PLEKHA2: variants seen among roughly 807,000 people sequenced by gnomAD.
The protein encoded by PLEKHA2 is pleckstrin homology domain containing A2.
Under a neutral mutation model 53.2 loss-of-function variants are expected in PLEKHA2, and 28 were observed. That is an observed-to-expected ratio of 0.53 (90% CI 0.39 to 0.72). The LOEUF (loss-of-function observed/expected upper bound fraction) is 0.72. PLEKHA2 is among the 30% of genes least tolerant of loss of function. PLEKHA2 has a pLI of 0.00. For synonymous variants in PLEKHA2, 193 were observed against 196.4 expected (o/e 0.98, Z 0.14); for missense variants, 426 against 537.9 (o/e 0.79, Z 2.06).
Position 38,917,894 on chromosome 8 carries a change from C to T in PLEKHA2, c.-23-13C>T, listed in dbSNP as rs761877126. The T allele has an allele frequency of 8.7e-6, 14 of 1,607,796 alleles. No individual in the cohort carries two copies. Among genetic ancestry groups the T allele is most frequent in the African/African-American group, 8.0e-5 (6 of 74,782 alleles). On this transcript the variant is annotated splice_polypyrimidine_tract_variant and intron_variant, in intron 1 of 11. Coordinates refer to ENST00000617275, the MANE Select transcript of PLEKHA2 (RefSeq NM_021623.2). ...CATCTTCCTTCTCATCAGCACCTCC[C>T]TCCTGCGCGCAGGGTGATGTGAGCA... is the stretch of plus-strand genomic sequence containing the variant.
At chr8:38,957,121 G>A (rs1834955989) in intron 9 of PLEKHA2, among the ~76,000 whole-genome samples, 1 of 152,116 alleles carries the variant, frequency 6.6e-6, no homozygotes, top group Admixed American at 6.6e-5. Context: ...GGATGGCAAA[G>A]CCTCCTGAGA....
At chr8:38,966,670 G>T (rs978929790) in intron 10 of PLEKHA2, among the ~76,000 whole-genome samples, 2 of 152,134 alleles carry the variant, frequency 1.3e-5, no homozygotes, top group African/African-American at 4.8e-5. Context: ...GGGTTTATAG[G>T]TTGTTTCTGG....
chr8:38,929,685 G>A (rs1483364135), intron 2 of PLEKHA2, among the ~76,000 whole-genome samples: 1 of 152,214 alleles, frequency 6.6e-6, no homozygotes, highest in Non-Finnish European at 1.5e-5. Context: ...CTAAATATAT[G>A]TTAGTTTCCT....
chr8:38,910,456 T>A (rs1446804484), intron 1 of PLEKHA2, among the ~76,000 whole-genome samples: 1 of 152,128 alleles, frequency 6.6e-6, no homozygotes, highest in Admixed American at 6.5e-5. Context: ...GGAAAGTAGA[T>A]GAAATAGGAA....
intron 5 of PLEKHA2, among the ~76,000 whole-genome samples, chr8:38,947,191 T>C (rs1223525457): frequency 2.0e-5 from 3 of 152,180 alleles, no homozygotes; most frequent in African/African-American, 4.8e-5. Flanking sequence ...AGAGGATGGA[T>C]GGCTGGGTGC....
intron 2 of PLEKHA2, among the ~76,000 whole-genome samples, chr8:38,930,092 C>G (rs1934397977): frequency 6.6e-6 from 1 of 152,186 alleles, no homozygotes; most frequent in Admixed American, 6.5e-5. Flanking sequence ...TATATTTTCC[C>G]CCCTGGGGAG....
At chr8:38,964,090 G>T (rs1339538370) in intron 10 of PLEKHA2, among the ~76,000 whole-genome samples, 1 of 152,190 alleles carries the variant, frequency 6.6e-6, no homozygotes, top group East Asian at 1.9e-4. Flanking sequence ...CCAGATGTAA[G>T]AAGAGATTTA....
intron 9 of PLEKHA2, 113 bp from the exon 10 acceptor site, chr8:38,957,210 A>AC (rs1834957662): frequency 5.4e-6 from 4 of 745,278 alleles, no homozygotes; most frequent in African/African-American, 1.7e-5. Flanking sequence ...GCTTGGAACC[A>AC]CCCCCCACCC....
chr8:38,916,134 A>G (rs1834055933), intron 1 of PLEKHA2, among the ~76,000 whole-genome samples: 1 of 151,716 alleles, frequency 6.6e-6, no homozygotes, highest in South Asian at 2.1e-4. Flanking sequence ...CGCCACCACG[A>G]CTGGCTAATT....
chr8:38,951,712 T>C (rs1290691426), intron 6 of PLEKHA2, among the ~76,000 whole-genome samples: 1 of 151,898 alleles, frequency 6.6e-6, no homozygotes, highest in Non-Finnish European at 1.5e-5. Flanking sequence ...CATGTTGTTA[T>C]TTAATTTTTT....
intron 5 of PLEKHA2, among the ~76,000 whole-genome samples, chr8:38,946,713 A>G (rs1315482255): frequency 2.0e-5 from 3 of 152,194 alleles, no homozygotes; most frequent in Non-Finnish European, 4.4e-5. Flanking sequence ...GAGCTCGTTC[A>G]TGGACTGTCC....
At chr8:38,938,815 G>A (rs1303595706) in intron 3 of PLEKHA2, among the ~76,000 whole-genome samples, 2 of 152,138 alleles carry the variant, frequency 1.3e-5, no homozygotes, top group African/African-American at 2.4e-5. Flanking sequence ...GACCTCACCC[G>A]CCTGCAGCCA....
At position 38,970,072 on chromosome 8, in the gene PLEKHA2, A is replaced by G; in HGVS notation, c.*289A>G. ...GGAAGCTACCTATTCTATTCTAACT[A>G]TTCTGAGGTCTTCCTGGAGAGGGAT... On this transcript the variant is annotated 3_prime_UTR_variant, in exon 12 of 12. Coordinates refer to ENST00000617275, the MANE Select transcript of PLEKHA2 (RefSeq NM_021623.2). 2.0e-6 allele frequency: 1 copy of G among 492,678 alleles called. No individual in the cohort carries two copies. The highest frequency in any genetic ancestry group is 3.4e-5 in the East Asian group (1 of 29,442). The allele number at this position is 492,678 out of a possible 1,614,324, so 30.5% of individuals were successfully genotyped here.
At chr8:38,934,653 A>G (rs1362931177) in intron 2 of PLEKHA2, among the ~76,000 whole-genome samples, 2 of 152,054 alleles carry the variant, frequency 1.3e-5, no homozygotes, top group African/African-American at 2.4e-5. Context: ...GCCAGTGGGG[A>G]CATTAGAAAG....
At chr8:38,942,207 G>C (rs1475854144) in intron 3 of PLEKHA2, among the ~76,000 whole-genome samples, 1 of 152,070 alleles carries the variant, frequency 6.6e-6, no homozygotes, top group African/African-American at 2.4e-5. Context: ...GTTGAGACCA[G>C]CCTTGACAAC....
chr8:38,964,556 T>C (rs530965147), intron 10 of PLEKHA2, among the ~76,000 whole-genome samples: 2 of 152,178 alleles, frequency 1.3e-5, no homozygotes, highest in African/African-American at 4.8e-5. Context: ...CATGGAAAAA[T>C]TGTCTTCCAC....
rs879022103 is a variant in PLEKHA2, at chr8:38,918,568, C to T, written c.141+498C>T. On this transcript the variant is annotated intron_variant, in intron 2 of 11. Coordinates refer to ENST00000617275, the MANE Select transcript of PLEKHA2 (RefSeq NM_021623.2). ...ACACACACCACACACACATTATACA[C>T]ACACATGCACACACATGCACACACA... Among the ~76,000 whole-genome samples, 143 of 33,646 alleles carry T rather than the reference C, an allele frequency of 4.3e-3. 1 individual carries two copies. The highest frequency in any genetic ancestry group is 4.8e-3 in the African/African-American group (45 of 9,376). 22.1% of individuals were successfully genotyped at this position (33,646 alleles called of 152,430 possible). A position where few individuals can be genotyped will look rare whatever the true frequency, so the allele number is the denominator to read the frequency against.
intron 6 of PLEKHA2, among the ~76,000 whole-genome samples, chr8:38,951,719 T>G (rs774963724): frequency 1.1e-4 from 16 of 152,026 alleles, no homozygotes; most frequent in Non-Finnish European, 1.9e-4. Context: ...TTATTTAATT[T>G]TTTTAGAGAC....
intron 1 of PLEKHA2, among the ~76,000 whole-genome samples, chr8:38,911,664 T>A (rs1833956840): frequency 6.6e-6 from 1 of 152,172 alleles, no homozygotes; most frequent in Non-Finnish European, 1.5e-5. Context: ...ATTTTCACAC[T>A]GGGGAACTCA....
Sources: gnomAD v4.1 joint callset for allele counts (sites outside exome capture counted in the v4.1 genomes callset) on GRCh38, gnomAD v4.1.1 for gene constraint, MANE v1.5 for transcripts, NCBI Gene and HGNC (gene_info 2026-07-23, HGNC 2026-07-21) for gene names.